Variants in C2orf76 observed in about 807,000 individuals in gnomAD.
C2orf76 encodes the protein UPF0538 protein C2orf76.
In C2orf76, 23 loss-of-function variants were observed where a neutral mutation model predicts 16.9. That is an observed-to-expected ratio of 1.36 (90% CI 0.98 to 1.93). The LOEUF is 1.93. Among genes scored for constraint, C2orf76 ranks in the 30% most tolerant of loss-of-function variants. C2orf76 has a pLI of 0.00. For missense variants in C2orf76, 152 were observed against 152.6 expected, an observed-to-expected ratio of 1.00 and a Z score of 0.02; for synonymous variants, 48 against 52.3, an observed-to-expected ratio of 0.92 and a Z score of 0.35.
intron 1 of C2orf76, among the ~76,000 whole-genome samples, chr2:119,350,463 G>C (rs995522095): frequency 1.3e-5 from 2 of 152,130 alleles, no homozygotes; most frequent in Admixed American, 1.3e-4. Flanking sequence ...CTAGTTTGGG[G>C]CAATGCAGAA....
the C2orf76 span, among the ~76,000 whole-genome samples, chr2:119,286,056 T>C: frequency 6.6e-6 from 1 of 151,746 alleles, no homozygotes; most frequent in Non-Finnish European, 1.5e-5. Flanking sequence ...TGAAACCCCA[T>C]CTCTACTAAA....
chr2:119,324,164 G>T (rs1259175785), intron 2 of C2orf76, among the ~76,000 whole-genome samples: 1 of 152,126 alleles, frequency 6.6e-6, no homozygotes, highest in Non-Finnish European at 1.5e-5. Context: ...AGAACAGATG[G>T]CCCCATGAAG....
At chr2:119,359,524 A>G (rs1457356865) in intron 1 of C2orf76, among the ~76,000 whole-genome samples, 1 of 152,240 alleles carries the variant, frequency 6.6e-6, no homozygotes, top group Non-Finnish European at 1.5e-5. Flanking sequence ...GCCATTAAAA[A>G]TATTCATGAT....
intron 5 of C2orf76, among the ~76,000 whole-genome samples, chr2:119,302,784 A>G (rs1202726373): frequency 6.6e-6 from 1 of 152,184 alleles, no homozygotes; most frequent in African/African-American, 2.4e-5. Context: ...AGAACAAAAA[A>G]TAAAAAACCA....
chr2:119,363,284 C>T (rs1470441297), intron 1 of C2orf76, among the ~76,000 whole-genome samples: 3 of 151,970 alleles, frequency 2.0e-5, no homozygotes, highest in Admixed American at 6.6e-5. Flanking sequence ...ATTAGCCGGG[C>T]GTGGTGGCGG....
intron 1 of C2orf76, among the ~76,000 whole-genome samples, chr2:119,353,987 A>G (rs977764171): frequency 6.6e-6 from 1 of 152,194 alleles, no homozygotes; most frequent in Non-Finnish European, 1.5e-5. Context: ...TTAACAGTAC[A>G]TTACAAAATA....
the C2orf76 span, among the ~76,000 whole-genome samples, chr2:119,295,863 G>A: frequency 6.6e-6 from 1 of 152,076 alleles, no homozygotes; most frequent in Non-Finnish European, 1.5e-5. Flanking sequence ...AATGGAGGAG[G>A]GTCACTGCTC....
At chr2:119,311,750 T>C (rs1678999533) in intron 4 of C2orf76, 47 bp from the exon 5 acceptor site, 1 of 1,533,492 alleles carries the variant, frequency 6.5e-7, no homozygotes, top group Non-Finnish European at 8.8e-7. Flanking sequence ...CTTACATGGG[T>C]TTGTTTGGTG....
intron 2 of C2orf76, among the ~76,000 whole-genome samples, chr2:119,333,064 A>G (rs1302350999): frequency 6.6e-6 from 1 of 152,230 alleles, no homozygotes; most frequent in East Asian, 1.9e-4. Context: ...ATTATAAAGT[A>G]CTTAAATTAA....
At chr2:119,367,009 G>C (rs1481587218), upstream of C2orf76, 25 of 1,613,370 alleles carry the variant, frequency 1.5e-5, no homozygotes, top group East Asian at 6.7e-5. Context: ...CCTGGTCCTC[G>C]CCTCCTCCGC....
intron 1 of C2orf76, 24 bp downstream of exon 1, chr2:119,366,766 G>C (rs1681023746): frequency 1.8e-6 from 1 of 562,596 alleles, no homozygotes; most frequent in Admixed American, 3.3e-5. Flanking sequence ...GCAAAACTAA[G>C]CACCCTACTT....
chr2:119,337,628 G>A (rs1384777640), intron 2 of C2orf76, among the ~76,000 whole-genome samples: 1 of 152,068 alleles, frequency 6.6e-6, no homozygotes, highest in Non-Finnish European at 1.5e-5. Flanking sequence ...GAGTTCCATA[G>A]TACCTCAAAT....
chr2:119,294,056 G>C, the C2orf76 span, among the ~76,000 whole-genome samples: 2 of 152,162 alleles, frequency 1.3e-5, no homozygotes, highest in Admixed American at 1.3e-4. Flanking sequence ...GAGCACGCAT[G>C]AGGTCATCTA....
At chr2:119,357,715 G>A (rs1680615971) in intron 1 of C2orf76, among the ~76,000 whole-genome samples, 1 of 151,976 alleles carries the variant, frequency 6.6e-6, no homozygotes, top group Non-Finnish European at 1.5e-5. Context: ...TCAACATGCT[G>A]CTGGAAGTTC....
At chr2:119,283,978 G>T in the C2orf76 span, among the ~76,000 whole-genome samples, 6 of 152,292 alleles carry the variant, frequency 3.9e-5, no homozygotes, top group East Asian at 1.2e-3. Context: ...CACACATCCG[G>T]GAGCACAGCC....
rs1558800084 is a variant in C2orf76 at position 119,360,900 on chromosome 2, T to C, written c.-13+5890A>G. Among the ~76,000 whole-genome samples, 4 of 152,206 alleles carry C rather than the reference T, an allele frequency of 2.6e-5. 1 individual carries two copies. Among genetic ancestry groups the C allele is most frequent in the African/African-American group, 7.2e-5 (3 of 41,452 alleles). ...AATACAAAAAGGCTATATACCACAA[T>C]TTCATGATATATAACATTATTGAAA... On this transcript the variant is annotated intron_variant, in intron 1 of 5. Transcript: ENST00000334816.
At chr2:119,309,407 T>C (rs1252646308) in intron 5 of C2orf76, among the ~76,000 whole-genome samples, 1 of 128,056 alleles carries the variant, frequency 7.8e-6, no homozygotes, top group African/African-American at 3.3e-5. Flanking sequence ...TCTTTTTTTT[T>C]TTTTTTTTTT....
intron 1 of C2orf76, among the ~76,000 whole-genome samples, chr2:119,364,307 T>A (rs1680851507): frequency 6.6e-6 from 1 of 152,164 alleles, no homozygotes; most frequent in Non-Finnish European, 1.5e-5. Context: ...TCTCTATTGA[T>A]TGGCAGGGTC....
At chr2:119,311,320 G>C (rs749243532) in intron 5 of C2orf76, 42 of 985,318 alleles carry the variant, frequency 4.3e-5, no homozygotes, top group Non-Finnish European at 4.7e-5. Flanking sequence ...ACAATGATAA[G>C]AGTAAGTAGA....
Sources: allele counts gnomAD v4.1 joint callset (sites outside exome capture counted in the v4.1 genomes callset), GRCh38; gene constraint gnomAD v4.1.1; transcripts MANE v1.5; gene names NCBI Gene and HGNC (gene_info 2026-07-23, HGNC 2026-07-21).